DEPDC5: variants seen among roughly 807,000 people sequenced by gnomAD.
The protein encoded by DEPDC5 is DEP domain containing 5, GATOR1 subcomplex subunit, also known as GATOR1 complex protein DEPDC5.
Under a neutral mutation model 217.3 loss-of-function variants are expected in DEPDC5, and 73 were observed. That is an observed-to-expected ratio of 0.34 (90% confidence interval 0.28 to 0.41). The LOEUF (loss-of-function observed/expected upper bound fraction) is 0.41, where lower values mean the gene tolerates loss of function less well. Ranked by LOEUF, DEPDC5 falls within the 10% of genes least tolerant of loss-of-function variation. DEPDC5 has a pLI of 1.00. For missense variants in DEPDC5, 1,675 were observed against 2,070.1 expected (o/e 0.81, Z 3.70); for synonymous variants, 733 against 756.7 (o/e 0.97, Z 0.51).
intron 24 of DEPDC5, among the ~76,000 whole-genome samples, chr22:31,829,216 C>G (rs924215892): frequency 1.3e-5 from 2 of 152,168 alleles, no homozygotes; most frequent in African/African-American, 4.8e-5. Context: ...GAATTCACAA[C>G]TGGTTAACAT....
chr22:31,760,540 T>C lies in DEPDC5; in HGVS notation c.147-116T>C, dbSNP rs1209764124. 10 of 853,402 alleles carry C rather than the reference T, an allele frequency of 1.2e-5. No individual in the cohort carries two copies. The Admixed American group carries it at 1.7e-4, about 14-fold the overall frequency. 52.9% of individuals were successfully genotyped at this position (853,402 alleles called of 1,614,324 possible). The stretch of plus-strand genomic sequence containing the variant: ...TTTCTGAGGGAGCTTTCTCCCGTTG[T>C]TGTGCTGTAAGTCACAGAATGGCCA... On this transcript the variant is annotated intron_variant, in intron 3 of 42. Coordinates refer to ENST00000651528, the MANE Select transcript of DEPDC5 (RefSeq NM_001242896.3).
chr22:31,852,152 C>A (rs1020176818), intron 31 of DEPDC5, among the ~76,000 whole-genome samples: 2 of 152,016 alleles, frequency 1.3e-5, no homozygotes, highest in African/African-American at 4.8e-5. Context: ...GACAGCAAGA[C>A]CCTGTCTCAA....
At position 31,873,288 on chromosome 22, in the gene DEPDC5, A is replaced by G; in HGVS notation, c.3519A>G (p.Ser1173=). 6.2e-7 allele frequency: 1 copy of G among 1,613,998 alleles called. No individual in the cohort carries two copies. The highest frequency in any genetic ancestry group is 1.1e-5 in the South Asian group (1 of 91,082). Residue 1173 remains serine (S), a synonymous_variant, in exon 35 of 43, where the codon TCA becomes TCG. Coordinates refer to ENST00000651528, the MANE Select transcript of DEPDC5 (RefSeq NM_001242896.3). ...AGCTGGTGGCAAGCTCCTTGACCTC[A>G]TCCTCTACCCTGACAGAGATCCTGG... ...SQQLVASSLT[S]SSTLTEILEA...
rs917758900 is a variant in DEPDC5 at position 31,809,346 on chromosome 22, T to C, written c.1288-265T>C. On this transcript the variant is annotated intron_variant, in intron 18 of 42. Coordinates refer to ENST00000651528, the MANE Select transcript of DEPDC5 (RefSeq NM_001242896.3). ...CTCTGCCACCTGCTGAATGTGTGGC[T>C]TTGGGTAAAGTCCCTTATTCTCTCT... Among the ~76,000 whole-genome samples the C allele has an allele frequency of 3.3e-5, 5 of 152,326 alleles. No individual in the cohort carries two copies. In the East Asian group the frequency reaches 9.7e-4, roughly 29 times the overall value.
Position 31,819,221 on chromosome 22 carries a change from T to A in DEPDC5, c.1866T>A (p.Pro622=). Residue 622 remains proline, a synonymous_variant, in exon 22 of 43, where the codon CCT becomes CCA. Transcript: ENST00000651528. ...GAAGGCGCTGGATGCACACTTTTCC[T>A]GTGGGTAAGTTGGTTGCTTAAGAGA... ...SNRRRWMHTF[P]VGPSGEAIQI... The A allele has an allele frequency of 6.2e-7, 1 of 1,614,136 alleles. No individual in the cohort carries two copies. The highest frequency in any genetic ancestry group is 2.2e-5 in the East Asian group (1 of 44,872).
At chr22:31,768,254 G>A (rs1409596949) in intron 6 of DEPDC5, among the ~76,000 whole-genome samples, 1 of 151,840 alleles carries the variant, frequency 6.6e-6, no homozygotes, top group Non-Finnish European at 1.5e-5. Context: ...AACTTGAAAA[G>A]ATTAGTTCAT....
intron 7 of DEPDC5, among the ~76,000 whole-genome samples, chr22:31,776,286 AT>A (rs1241843311): frequency 6.6e-6 from 1 of 151,364 alleles, no homozygotes; most frequent in African/African-American, 2.4e-5. Context: ...AATTTTTTGT[AT>A]TTTTTATAGC....
intron 39 of DEPDC5, among the ~76,000 whole-genome samples, chr22:31,896,638 C>T (rs1300949247): frequency 6.6e-6 from 1 of 151,894 alleles, no homozygotes; most frequent in African/African-American, 2.4e-5. Context: ...CTTTTTGCCC[C>T]AGTAACTTTT....
intron 27 of DEPDC5, among the ~76,000 whole-genome samples, chr22:31,842,689 C>T (rs2091470406): frequency 6.6e-6 from 1 of 152,096 alleles, no homozygotes; most frequent in African/African-American, 2.4e-5. Flanking sequence ...GAGCTAGGAC[C>T]AGAAAGCTAG....
At position 31,821,567 on chromosome 22, in the gene DEPDC5, A is replaced by C. The variant is rs377294383; in HGVS notation, c.1936A>C (p.Ser646Arg). 1 of 1,614,088 alleles carries C rather than the reference A, an allele frequency of 6.2e-7. No individual in the cohort carries two copies. The highest frequency in any genetic ancestry group is 8.5e-7 in the Non-Finnish European group (1 of 1,180,028). ...TRQNMAELQGSGQRDPTHSSA... is the reference protein window; with the variant it reads ...TRQNMAELQGRGQRDPTHSSA... ...ACAGAATATGGCGGAGCTACAAGGC[A>C]GCGGGCAGAGGGATCCAACTCACTC... The change falls in exon 23 of 43, where the codon AGC (serine) becomes CGC (arginine). Residue 646 changes from serine to arginine, a missense_variant. Ser to Arg is a moderately radical substitution (Grantham distance 110). Around this residue, in one of 11 missense-constraint regions of DEPDC5, gnomAD observed 136 missense variants for 132.2 expected, o/e 1.03. Coordinates refer to ENST00000651528, the MANE Select transcript of DEPDC5 (RefSeq NM_001242896.3).
chr22:31,817,154 G>C (rs1257638162), intron 21 of DEPDC5: 1 of 156,844 alleles, frequency 6.4e-6, no homozygotes, highest in African/African-American at 2.4e-5. Flanking sequence ...TTGTCCCCCA[G>C]GCTGGAGTGC....
chr22:31,868,035 C>G (rs556294874), intron 33 of DEPDC5, among the ~76,000 whole-genome samples: 1 of 152,152 alleles, frequency 6.6e-6, no homozygotes, highest in South Asian at 2.1e-4. Context: ...GTAAACCTTA[C>G]TGGTTAGAGG....
At chr22:31,779,133 C>T (rs1387268028) in intron 8 of DEPDC5, among the ~76,000 whole-genome samples, 1 of 152,166 alleles carries the variant, frequency 6.6e-6, no homozygotes, top group Non-Finnish European at 1.5e-5. Context: ...GTTATGACAG[C>T]CAGAAATTTC....
At chr22:31,795,637 G>T (rs1027287283) in intron 12 of DEPDC5, among the ~76,000 whole-genome samples, 1 of 151,508 alleles carries the variant, frequency 6.6e-6, no homozygotes, top group Non-Finnish European at 1.5e-5. Context: ...CAGGTGATCC[G>T]CCTGCCTTGG....
rs761019212 is a variant in DEPDC5, at chr22:31,758,644, C to T, written c.146+11C>T. ...CAACGATGAATACAGGTGAGTGTCTCATAGGATCCATGGAACTGGGCAATT... is the reference window on the plus strand; with the variant it reads ...CAACGATGAATACAGGTGAGTGTCTTATAGGATCCATGGAACTGGGCAATT... On this transcript the variant is annotated intron_variant, in intron 3 of 42. Transcript: ENST00000651528. The T allele has an allele frequency of 6.2e-7, 1 of 1,611,420 alleles. No individual in the cohort carries two copies. The highest frequency in any genetic ancestry group is 8.5e-7 in the Non-Finnish European group (1 of 1,177,622).
In DEPDC5 at chr22:31,774,758, G is replaced by A. The variant is rs540540968; in HGVS notation, c.414-3341G>A. On this transcript the variant is annotated intron_variant, in intron 7 of 42. Coordinates refer to ENST00000651528, the MANE Select transcript of DEPDC5 (RefSeq NM_001242896.3). ...CTTGGGAGTCTGAGGTGGGAGAATC[G>A]CTCAAGCCCAAGAATTTGAGGCCAC... Among the ~76,000 whole-genome samples the A allele has an allele frequency of 7.9e-5, 12 of 152,126 alleles. 1 individual carries two copies. In the South Asian group the frequency reaches 1.9e-3, roughly 24 times the overall value.
intron 39 of DEPDC5, 51 bp from the exon 40 acceptor site, chr22:31,897,429 CTT>C: frequency 1.3e-6 from 2 of 1,554,510 alleles, no homozygotes; most frequent in Non-Finnish European, 1.7e-6. Context: ...AGTATTTTCT[CTT>C]GTTTGAAAGA....
At chr22:31,758,383 C>T in intron 2 of DEPDC5, 163 bp from the exon 3 acceptor site, 2 of 635,180 alleles carry the variant, frequency 3.1e-6, no homozygotes, top group Non-Finnish European at 5.7e-6. Flanking sequence ...CTTGGTGTTC[C>T]TGTGTGAATC....
At chr22:31,857,697 T>A (rs1038977327) in intron 32 of DEPDC5, 144 bp downstream of exon 32, 2 of 568,490 alleles carry the variant, frequency 3.5e-6, no homozygotes, top group Non-Finnish European at 6.0e-6. Context: ...AAGGTTCTAT[T>A]ACTGTTACTA....
Sources: gnomAD v4.1 joint callset for allele counts (sites outside exome capture counted in the v4.1 genomes callset) on GRCh38, gnomAD v4.1.1 for gene constraint, gnomAD v4.1.1 regional missense constraint, MANE v1.5 for transcripts, NCBI Gene and HGNC (gene_info 2026-07-23, HGNC 2026-07-21) for gene names.